SCMH1: variants seen among roughly 807,000 people sequenced by gnomAD.
SCMH1 encodes Scm polycomb group protein homolog 1, also known as polycomb protein SCMH1.
A neutral mutation model predicts 70.8 loss-of-function variants in SCMH1; 37 were observed. The ratio of observed to expected loss-of-function variants is 0.52; its 90% CI spans 0.40 to 0.69. The LOEUF is 0.69. Among genes scored for constraint, SCMH1 ranks in the 30% least tolerant of loss-of-function variants. The pLI is 0.00. For synonymous variants in SCMH1, 292 were observed against 307.4 expected (o/e 0.95, Z 0.52); for missense variants, 607 against 827.3 (o/e 0.73, Z 3.27).
intron 9 of SCMH1, among the ~76,000 whole-genome samples, chr1:41,073,489 T>C (rs569475574): frequency 1.6e-3 from 248 of 152,246 alleles, no homozygotes; most frequent in African/African-American, 5.8e-3. Context: ...CAAAAATGAA[T>C]TAGGAGCTGG....
intron 6 of SCMH1, among the ~76,000 whole-genome samples, chr1:41,117,919 C>A (rs1400771696): frequency 6.6e-6 from 1 of 151,952 alleles, no homozygotes; most frequent in Non-Finnish European, 1.5e-5. Context: ...GCCTGGCATT[C>A]AGGGCCACTA....
In SCMH1 at chr1:41,165,659, T is replaced by C. The variant is rs1646364834; in HGVS notation, c.14-4227A>G. On this transcript the variant is annotated intron_variant, in intron 2 of 14. Transcript: ENST00000337495. ...GATTAGAGATGTTGGACTTTTTTAATATATCTGTGGCCCATTTATATGTTT... is the reference window on the plus strand; with the variant it reads ...GATTAGAGATGTTGGACTTTTTTAACATATCTGTGGCCCATTTATATGTTT... Among the ~76,000 whole-genome samples the C allele has an allele frequency of 1.3e-5, 2 of 152,158 alleles. 1 individual carries two copies. Among genetic ancestry groups the C allele is most frequent in the Non-Finnish European group, 2.9e-5 (2 of 67,972 alleles).
intron 4 of SCMH1, among the ~76,000 whole-genome samples, chr1:41,153,043 A>T (rs1030501200): frequency 1.3e-5 from 2 of 152,236 alleles, no homozygotes; most frequent in African/African-American, 4.8e-5. Context: ...CTTCTAGTTG[A>T]CAGGGCCCTA....
At chr1:41,191,031 C>T (rs181472372) in intron 1 of SCMH1, among the ~76,000 whole-genome samples, 175 of 152,224 alleles carry the variant, frequency 1.1e-3, no homozygotes, top group Non-Finnish European at 2.3e-3. Context: ...TGCATCAATG[C>T]GCCTGGCTAA....
chr1:41,169,850 T>C (rs889194616), intron 2 of SCMH1, among the ~76,000 whole-genome samples: 1 of 152,216 alleles, frequency 6.6e-6, no homozygotes, highest in African/African-American at 2.4e-5. Flanking sequence ...GAGATCTGCA[T>C]AGGCCAATCC....
At chr1:41,070,400 C>A (rs550844615) in intron 10 of SCMH1, among the ~76,000 whole-genome samples, 195 bp downstream of exon 10, 2 of 152,140 alleles carry the variant, frequency 1.3e-5, no homozygotes, top group Non-Finnish European at 2.9e-5. Context: ...CATTAGTTCC[C>A]CATCCCTGAG....
chr1:41,236,308 A>T (rs2148931683), intron 1 of SCMH1, among the ~76,000 whole-genome samples: 1 of 152,330 alleles, frequency 6.6e-6, no homozygotes, highest in Middle Eastern at 3.4e-3. Context: ...GGGGTGCAGG[A>T]GAATGTGCTG....
chr1:41,075,637 G>A (rs1253750601), intron 8 of SCMH1, among the ~76,000 whole-genome samples, 186 bp from the exon 9 acceptor site: 2 of 152,082 alleles, frequency 1.3e-5, no homozygotes, highest in Non-Finnish European at 2.9e-5. Flanking sequence ...TGGAATTGGA[G>A]GTTTTAAATT....
chr1:41,047,472 C>T (rs766190199), intron 11 of SCMH1, among the ~76,000 whole-genome samples: 8 of 149,824 alleles, frequency 5.3e-5, no homozygotes, highest in Non-Finnish European at 1.0e-4. Context: ...TCTCAGCTCA[C>T]TGCAACCTCC....
At chr1:41,215,720 C>A (rs1657939296) in intron 1 of SCMH1, among the ~76,000 whole-genome samples, 1 of 152,098 alleles carries the variant, frequency 6.6e-6, no homozygotes, top group Non-Finnish European at 1.5e-5. Context: ...TTATATCTGA[C>A]CCATACTTAT....
intron 6 of SCMH1, among the ~76,000 whole-genome samples, chr1:41,118,729 G>A (rs1671160621): frequency 6.6e-6 from 1 of 152,202 alleles, no homozygotes; most frequent in South Asian, 2.1e-4. Context: ...CATTATTACA[G>A]TTAGGTCTTC....
intron 4 of SCMH1, chr1:41,159,960 T>C: frequency 1.9e-6 from 1 of 527,132 alleles, no homozygotes; most frequent in Non-Finnish European, 3.0e-6. Context: ...ATGGGATTAT[T>C]ATCCCCATTT....
rs139786178 is a variant in SCMH1, at chr1:41,096,713, TCCTGTTCTATGG to T, written c.745+16558_745+16569del. ...CTGTAGAGGATACAGTCAAAGGGAA[TCCTGTTCTATGG>T]CCATAGTGGACCAACATGACTACAC... On this transcript the variant is annotated intron_variant, in intron 8 of 14. Coordinates refer to ENST00000337495, the Ensembl canonical transcript of SCMH1. 5.5e-3 allele frequency among the ~76,000 whole-genome samples: 845 copies of T among 152,328 alleles called. 10 individuals are homozygous for T. The highest frequency in any genetic ancestry group is 0.02 in the African/African-American group (813 of 41,580).
At chr1:41,220,268 T>G (rs1427802169) in intron 1 of SCMH1, among the ~76,000 whole-genome samples, 1 of 152,200 alleles carries the variant, frequency 6.6e-6, no homozygotes, top group Non-Finnish European at 1.5e-5. Context: ...CCAACTGCAT[T>G]GTGGGCAGGC....
At chr1:41,212,049 G>A (rs1657147865) in intron 1 of SCMH1, among the ~76,000 whole-genome samples, 1 of 152,132 alleles carries the variant, frequency 6.6e-6, no homozygotes, top group Admixed American at 6.5e-5. Context: ...ATAGCATTAG[G>A]AGAAATACCT....
chr1:41,029,040 G>A (rs1486770760), intron 13 of SCMH1, among the ~76,000 whole-genome samples: 1 of 152,158 alleles, frequency 6.6e-6, no homozygotes, highest in Non-Finnish European at 1.5e-5. Flanking sequence ...GGGGGGCCTG[G>A]TGAGTGGGGC....
chr1:41,067,517 T>C (rs1316380955), intron 10 of SCMH1, among the ~76,000 whole-genome samples: 1 of 147,924 alleles, frequency 6.8e-6, no homozygotes, highest in African/African-American at 2.5e-5. Flanking sequence ...GGAATAAATT[T>C]AAATGCATAA....
chr1:41,079,382 A>G (rs900935462), intron 8 of SCMH1, among the ~76,000 whole-genome samples: 3 of 152,164 alleles, frequency 2.0e-5, no homozygotes, highest in African/African-American at 7.2e-5. Flanking sequence ...ATATTTGTTT[A>G]TAAGAGGGCC....
intron 8 of SCMH1, 70 bp from the exon 9 acceptor site, chr1:41,075,521 A>G (rs1658026559): frequency 3.8e-6 from 5 of 1,316,968 alleles, no homozygotes; most frequent in Non-Finnish European, 2.2e-6. Context: ...GAAGAAAAAA[A>G]GGACTTGCCA....
Sources: allele counts gnomAD v4.1 joint callset (sites outside exome capture counted in the v4.1 genomes callset), GRCh38; gene constraint gnomAD v4.1.1; transcripts MANE v1.5; gene names NCBI Gene and HGNC (gene_info 2026-07-23, HGNC 2026-07-21).